COL22A1: variants seen among roughly 807,000 people sequenced by gnomAD.
COL22A1 encodes collagen alpha-1(XXII) chain.
Under a neutral mutation model 248.9 loss-of-function variants are expected in COL22A1, and 221 were observed. The ratio of observed to expected loss-of-function variants is 0.89; its 90% CI spans 0.80 to 0.99. The LOEUF (loss-of-function observed/expected upper bound fraction) is 0.99. Ranked by LOEUF, COL22A1 falls within the 50% of genes least tolerant of loss-of-function variation. The pLI is 0.00. For synonymous variants in COL22A1, 891 were observed against 793.4 expected, an observed-to-expected ratio of 1.12 and a Z score of -2.07; for missense variants, 2,240 against 2,179.0, an observed-to-expected ratio of 1.03 and a Z score of -0.56.
chr8:138,753,254 C>A (rs1010161340), intron 21 of COL22A1, among the ~76,000 whole-genome samples: 13 of 152,198 alleles, frequency 8.5e-5, no homozygotes, highest in African/African-American at 2.9e-4. Context: ...TAAGTTCCCA[C>A]CATGTGATAA....
intron 1 of COL22A1, among the ~76,000 whole-genome samples, chr8:138,889,433 A>T (rs1027113434): frequency 6.6e-6 from 1 of 152,222 alleles, no homozygotes; most frequent in African/African-American, 2.4e-5. Flanking sequence ...TGAAATTGGA[A>T]ATCATCATTC....
At chr8:138,895,438 ACT>A (rs1825336731) in intron 1 of COL22A1, among the ~76,000 whole-genome samples, 1 of 152,120 alleles carries the variant, frequency 6.6e-6, no homozygotes, top group African/African-American at 2.4e-5. Context: ...AAAAATAGAA[ACT>A]CTCAGCAAAA....
At chr8:138,859,386 CTCAGG>C (rs1035786582) in intron 3 of COL22A1, among the ~76,000 whole-genome samples, 1 of 152,212 alleles carries the variant, frequency 6.6e-6, no homozygotes, top group African/African-American at 2.4e-5. Context: ...TTCACTGGGC[CTCAGG>C]TCAGCGGACA....
intron 23 of COL22A1, among the ~76,000 whole-genome samples, chr8:138,729,137 T>G (rs750511727): frequency 2.0e-5 from 3 of 152,164 alleles, no homozygotes; most frequent in Admixed American, 1.3e-4. Flanking sequence ...TCATTAAATT[T>G]ACAGAGGAGG....
intron 3 of COL22A1, among the ~76,000 whole-genome samples, chr8:138,855,663 GGC>G (rs1821955115): frequency 6.6e-6 from 1 of 152,190 alleles, no homozygotes; most frequent in South Asian, 2.1e-4. Context: ...CTTCTGAGGA[GGC>G]CATGCCCTTG....
intron 3 of COL22A1, among the ~76,000 whole-genome samples, chr8:138,860,280 C>A (rs1467128790): frequency 6.6e-6 from 1 of 152,186 alleles, no homozygotes; most frequent in East Asian, 1.9e-4. Flanking sequence ...GAGGTGTCCA[C>A]ATGTGTATCC....
intron 23 of COL22A1, among the ~76,000 whole-genome samples, chr8:138,726,620 C>T (rs576101991): frequency 1.3e-5 from 2 of 151,998 alleles, no homozygotes; most frequent in Non-Finnish European, 2.9e-5. Context: ...ATGCTGCACT[C>T]AGAGGGATGA....
chr8:138,867,762 T>G (rs1002067952), intron 3 of COL22A1, among the ~76,000 whole-genome samples: 7 of 152,202 alleles, frequency 4.6e-5, no homozygotes, highest in Non-Finnish European at 1.0e-4. Flanking sequence ...TGTATTTATT[T>G]ATTGTTTGTT....
chr8:138,820,177 C>T (rs1052370860), intron 7 of COL22A1, among the ~76,000 whole-genome samples: 3 of 152,090 alleles, frequency 2.0e-5, no homozygotes, highest in Non-Finnish European at 4.4e-5. Context: ...ACATAAACTT[C>T]CAAGAATCTA....
At chr8:138,826,872 C>A in intron 5 of COL22A1, 91 bp from the exon 6 acceptor site, 1 of 1,464,196 alleles carries the variant, frequency 6.8e-7, no homozygotes. Context: ...GTGATCAAGC[C>A]CTGCCAATTT....
intron 30 of COL22A1, among the ~76,000 whole-genome samples, chr8:138,711,147 G>A (rs1244465732): frequency 6.6e-6 from 1 of 152,146 alleles, no homozygotes; most frequent in Non-Finnish European, 1.5e-5. Context: ...TAGGGTTGAT[G>A]CAACAGGCCT....
At chr8:138,888,780 C>T (rs1255610538) in intron 1 of COL22A1, among the ~76,000 whole-genome samples, 1 of 152,172 alleles carries the variant, frequency 6.6e-6, no homozygotes, top group Non-Finnish European at 1.5e-5. Context: ...GCTGATCGCC[C>T]AGCCCTCTCA....
intron 62 of COL22A1, 41 bp downstream of exon 62, chr8:138,596,861 TGG>T: frequency 6.4e-7 from 1 of 1,572,372 alleles, no homozygotes; most frequent in Non-Finnish European, 8.7e-7. Flanking sequence ...AACTGCTTCC[TGG>T]GCTCTTCTCT....
chr8:138,845,824 A>T (rs2131878090), intron 3 of COL22A1, among the ~76,000 whole-genome samples: 1 of 152,238 alleles, frequency 6.6e-6, no homozygotes, highest in South Asian at 2.1e-4. Context: ...ATTCTCATAA[A>T]TTTAGCACCC....
intron 52 of COL22A1, among the ~76,000 whole-genome samples, chr8:138,622,004 C>A (rs1456252436): frequency 2.0e-5 from 3 of 152,206 alleles, no homozygotes; most frequent in South Asian, 4.1e-4. Context: ...CAGCATCTGG[C>A]AAACAGTGTA....
In COL22A1 at chr8:138,762,484, A is replaced by G. The variant is rs776681705; in HGVS notation, c.1804-18T>C. 1 of 1,613,742 alleles carries G rather than the reference A, an allele frequency of 6.2e-7. No individual in the cohort carries two copies. The highest frequency in any genetic ancestry group is 8.5e-7 in the Non-Finnish European group (1 of 1,179,656). On this transcript the variant is annotated intron_variant, in intron 16 of 64. Coordinates refer to ENST00000303045, the MANE Select transcript of COL22A1 (RefSeq NM_152888.3). The stretch of plus-strand genomic sequence containing the variant: ...CGCTCTCCCTGGCAAAAGAAGGCAA[A>G]TGGTGAAATAAAGAGGTTAGTGACC...
chr8:138,818,178 T>C (rs1483062924), intron 7 of COL22A1, among the ~76,000 whole-genome samples: 1 of 152,182 alleles, frequency 6.6e-6, no homozygotes, highest in Non-Finnish European at 1.5e-5. Context: ...AGGGGCTGGA[T>C]AAGATGCTCT....
At chr8:138,651,847 T>C (rs1407408154) in intron 45 of COL22A1, among the ~76,000 whole-genome samples, 2 of 152,194 alleles carry the variant, frequency 1.3e-5, no homozygotes, top group Non-Finnish European at 2.9e-5. Flanking sequence ...TTCTTTGCAG[T>C]GGGATCCATA....
chr8:138,802,113 T>A (rs1277564338), intron 11 of COL22A1, among the ~76,000 whole-genome samples: 1 of 152,164 alleles, frequency 6.6e-6, no homozygotes, highest in Non-Finnish European at 1.5e-5. Flanking sequence ...TGCTACTGAA[T>A]ACGTTATTTT....
Sources: allele counts gnomAD v4.1 joint callset (sites outside exome capture counted in the v4.1 genomes callset), GRCh38; gene constraint gnomAD v4.1.1; transcripts MANE v1.5; gene names NCBI Gene and HGNC (gene_info 2026-07-23, HGNC 2026-07-21).